Variants in DLC1 observed in about 807,000 individuals in gnomAD.
DLC1 encodes the protein rho GTPase-activating protein 7.
Under a neutral mutation model 140.3 loss-of-function variants are expected in DLC1, and 54 were observed. The ratio of observed to expected loss-of-function variants is 0.38; its 90% CI spans 0.31 to 0.48. The LOEUF is 0.48. Ranked by LOEUF, DLC1 falls within the 20% of genes least tolerant of loss-of-function variation. The pLI is 0.96. For synonymous variants in DLC1, 986 were observed against 728.1 expected (o/e 1.35, Z -5.70); for missense variants, 2,536 against 1,907.0 (o/e 1.33, Z -6.14).
rs371668357 is a variant in DLC1 at position 13,218,997 on chromosome 8, C to T, written c.1348+86272G>A. Among the ~76,000 whole-genome samples the T allele has an allele frequency of 1.6e-3, 53 of 32,746 alleles. 14 individuals are homozygous for T. Among genetic ancestry groups the T allele is most frequent in the African/African-American group, 2.9e-3 (14 of 4,836 alleles). 21.5% of individuals were successfully genotyped at this position (32,746 alleles called of 152,430 possible). The stretch of plus-strand genomic sequence containing the variant: ...ACGTATATAACTATATAATTATATA[C>T]GAATATAATTATATAATTATATACG... On this transcript the variant is annotated intron_variant, in intron 5 of 17. Coordinates refer to ENST00000276297, the MANE Select transcript of DLC1 (RefSeq NM_182643.3).
intron 1 of DLC1, among the ~76,000 whole-genome samples, chr8:13,521,152 C>G (rs948817942): frequency 5.3e-5 from 8 of 152,008 alleles, no homozygotes; most frequent in Non-Finnish European, 7.4e-5. Context: ...AACACAGAAA[C>G]AGGAAACCAA....
At chr8:13,231,905 C>T (rs1451502979) in intron 5 of DLC1, among the ~76,000 whole-genome samples, 1 of 152,004 alleles carries the variant, frequency 6.6e-6, no homozygotes, top group Non-Finnish European at 1.5e-5. Flanking sequence ...TTTTATAGGC[C>T]CCTGTGTCCA....
At chr8:13,344,349 C>T (rs556317650) in intron 4 of DLC1, among the ~76,000 whole-genome samples, 4 of 152,120 alleles carry the variant, frequency 2.6e-5, no homozygotes, top group African/African-American at 4.8e-5. Flanking sequence ...CAAAATTAGC[C>T]GGGCATGGTG....
intron 5 of DLC1, among the ~76,000 whole-genome samples, chr8:13,266,425 CTA>C (rs1830690646): frequency 6.6e-6 from 1 of 152,114 alleles, no homozygotes; most frequent in South Asian, 2.1e-4. Context: ...GCACATTACT[CTA>C]TCCTGGGAAG....
At chr8:13,144,175 G>C (rs1403719662) in intron 5 of DLC1, among the ~76,000 whole-genome samples, 1 of 152,222 alleles carries the variant, frequency 6.6e-6, no homozygotes, top group Non-Finnish European at 1.5e-5. Flanking sequence ...TGAGCACCCA[G>C]ATAGAACACA....
intron 2 of DLC1, among the ~76,000 whole-genome samples, chr8:13,456,356 A>T (rs1249803408): frequency 1.3e-5 from 2 of 152,088 alleles, no homozygotes; most frequent in South Asian, 4.1e-4. Flanking sequence ...TGCCTTGCCT[A>T]TATTGCCCTT....
At chr8:13,577,547 A>G (rs564339995) in intron 1 of DLC1, among the ~76,000 whole-genome samples, 2 of 152,330 alleles carry the variant, frequency 1.3e-5, no homozygotes, top group Admixed American at 1.3e-4. Flanking sequence ...GGTATTAATT[A>G]GTGTCATAAA....
chr8:13,589,477 T>A (rs1251048740), intron 1 of DLC1, among the ~76,000 whole-genome samples: 1 of 152,042 alleles, frequency 6.6e-6, no homozygotes, highest in Non-Finnish European at 1.5e-5. Flanking sequence ...AAAGTGACAT[T>A]CAGGGGAAAG....
At chr8:13,163,956 G>T (rs1002946644) in intron 5 of DLC1, among the ~76,000 whole-genome samples, 2 of 152,022 alleles carry the variant, frequency 1.3e-5, no homozygotes, top group South Asian at 4.1e-4. Context: ...AGTGAGCCAT[G>T]ACTGCTATTG....
At position 13,083,909 on chromosome 8, in the gene DLC1, C is replaced by G. The variant is rs934032074; in HGVS notation, c.*1902G>C. 1 of 152,680 alleles carries G rather than the reference C, an allele frequency of 6.5e-6. No homozygotes were observed. Among genetic ancestry groups the G allele is most frequent in the Non-Finnish European group, 1.5e-5 (1 of 68,026 alleles). The allele number at this position is 152,680 out of a possible 1,614,324, so 9.5% of individuals were successfully genotyped here. ...TGAGATGCAATATTAAGGAAGGCAG[C>G]CCAGACTTTTCCCTTACTTTAAACA... On this transcript the variant is annotated 3_prime_UTR_variant, in exon 18 of 18. Transcript: ENST00000276297.
chr8:13,585,428 A>T (rs1284116248), intron 1 of DLC1, among the ~76,000 whole-genome samples: 1 of 152,204 alleles, frequency 6.6e-6, no homozygotes, highest in African/African-American at 2.4e-5. Context: ...AAGAATGAAG[A>T]AATTAAAAAC....
At chr8:13,214,805 A>T in intron 5 of DLC1, 1 of 778,362 alleles carries the variant, frequency 1.3e-6, no homozygotes, top group Non-Finnish European at 2.4e-6. Context: ...TAAAAAGGAG[A>T]GGAGAAAATG....
chr8:13,396,155 G>A (rs1837034837), intron 3 of DLC1, among the ~76,000 whole-genome samples: 1 of 151,212 alleles, frequency 6.6e-6, no homozygotes, highest in Non-Finnish European at 1.5e-5. Context: ...CGCCTCCTGG[G>A]TTCACACCAT....
chr8:13,307,033 G>A (rs1028380085), intron 4 of DLC1, among the ~76,000 whole-genome samples: 5 of 128,556 alleles, frequency 3.9e-5, no homozygotes, highest in East Asian at 2.5e-4. Flanking sequence ...GCAGTGAGCC[G>A]AGACCACACC....
chr8:13,422,798 TAA>T (rs200778195), intron 2 of DLC1, among the ~76,000 whole-genome samples: 9 of 145,580 alleles, frequency 6.2e-5, no homozygotes, highest in Non-Finnish European at 1.1e-4. Flanking sequence ...AACAACCAGC[TAA>T]AAAAAAAAAG....
intron 5 of DLC1, among the ~76,000 whole-genome samples, chr8:13,121,657 T>C (rs555745429): frequency 1.3e-5 from 2 of 152,196 alleles, no homozygotes; most frequent in South Asian, 2.1e-4. Context: ...CAAGAAACCC[T>C]CCTGCCTCAG....
intron 10 of DLC1, among the ~76,000 whole-genome samples, chr8:13,096,765 G>C (rs181412576): frequency 6.6e-6 from 1 of 152,296 alleles, no homozygotes; most frequent in Admixed American, 6.5e-5. Context: ...AAAAAGAACA[G>C]TTTCCTTGCT....
chr8:13,316,203 T>C lies in DLC1; in HGVS notation c.1315-10901A>G, dbSNP rs746984373. Among the ~76,000 whole-genome samples, 1,140 of 152,252 alleles carry C rather than the reference T, an allele frequency of 7.5e-3. 9 individuals are homozygous for C. Among genetic ancestry groups the C allele is most frequent in the Non-Finnish European group, 0.012 (846 of 68,010 alleles). On this transcript the variant is annotated intron_variant, in intron 4 of 17. Transcript: ENST00000276297. ...CCTCCCTACCAGCCACTTGATCTAC[T>C]AGCTAGTGTGGTCTGGTGCCTGCAG...
chr8:13,412,139 T>G (rs568742297), intron 2 of DLC1, among the ~76,000 whole-genome samples: 40 of 152,106 alleles, frequency 2.6e-4, no homozygotes, highest in Non-Finnish European at 4.7e-4. Flanking sequence ...CCTAATAAAA[T>G]TGGTCAAAGC....
Sources: gnomAD v4.1 joint callset for allele counts (sites outside exome capture counted in the v4.1 genomes callset) on GRCh38, gnomAD v4.1.1 for gene constraint, MANE v1.5 for transcripts, NCBI Gene and HGNC (gene_info 2026-07-23, HGNC 2026-07-21) for gene names.